Variants in AOPEP observed in about 807,000 individuals in gnomAD.
The protein encoded by AOPEP is aminopeptidase O.
Under a neutral mutation model 98.1 loss-of-function variants are expected in AOPEP, and 77 were observed. The observed-to-expected ratio is 0.78, with a 90% CI of 0.65 to 0.95. The LOEUF (loss-of-function observed/expected upper bound fraction) is 0.95. Among genes scored for constraint, AOPEP ranks in the 40% least tolerant of loss-of-function variants. AOPEP has a pLI of 0.00. For synonymous variants in AOPEP, 346 were observed against 365.3 expected, an observed-to-expected ratio of 0.95 and a Z score of 0.60; for missense variants, 1,024 against 1,024.7, an observed-to-expected ratio of 1.00 and a Z score of 0.01.
chr9:95,128,419 T>C, the AOPEP span, among the ~76,000 whole-genome samples: 6 of 152,252 alleles, frequency 3.9e-5, no homozygotes, highest in South Asian at 2.1e-4. Flanking sequence ...AAGATGAAAC[T>C]TGAAAATGGT....
the AOPEP span, chr9:95,110,798 G>A: frequency 8.9e-7 from 1 of 1,124,984 alleles, no homozygotes; most frequent in Non-Finnish European, 1.1e-6. Flanking sequence ...CAAGGGAGGT[G>A]CCAATGCCTT....
chr9:95,010,941 C>T (rs545962881), intron 13 of AOPEP, among the ~76,000 whole-genome samples: 29 of 152,330 alleles, frequency 1.9e-4, no homozygotes, highest in Non-Finnish European at 3.8e-4. Flanking sequence ...ATTTGAGATT[C>T]TTGGTCCTAT....
At chr9:94,885,091 G>A (rs2048057818) in intron 5 of AOPEP, among the ~76,000 whole-genome samples, 1 of 151,390 alleles carries the variant, frequency 6.6e-6, no homozygotes, top group Non-Finnish European at 1.5e-5. Context: ...GCTCACGCCT[G>A]TAATCCCAGC....
chr9:94,817,365 A>G (rs969714888), intron 5 of AOPEP, among the ~76,000 whole-genome samples: 1 of 152,244 alleles, frequency 6.6e-6, no homozygotes, highest in African/African-American at 2.4e-5. Context: ...ATGAAGAAGA[A>G]GAGGAAAGTT....
chr9:94,910,391 T>G (rs1273927610), intron 5 of AOPEP, among the ~76,000 whole-genome samples: 1 of 152,218 alleles, frequency 6.6e-6, no homozygotes. Flanking sequence ...CCCAGCTTCC[T>G]TGTCCTCTGG....
chr9:95,093,688 C>T, the AOPEP span, among the ~76,000 whole-genome samples: 2 of 152,216 alleles, frequency 1.3e-5, no homozygotes, highest in Non-Finnish European at 2.9e-5. Context: ...CCGGCAAGCA[C>T]GTGTGCAGGC....
Position 94,809,918 on chromosome 9 carries a change from G to T in AOPEP, c.1364+8916G>T, listed in dbSNP as rs369385479. 4.5e-5 allele frequency: 7 copies of T among 155,944 alleles called. No homozygotes were observed. The East Asian group carries it at 7.7e-4, about 17-fold the overall frequency. 9.7% of individuals were successfully genotyped at this position (155,944 alleles called of 1,614,324 possible). ...GGAGACTGACTCAGTGAATTGAGCC[G>T]CAGTCTTGGTATCTGGAAGGCTAAC... is the stretch of plus-strand genomic sequence containing the variant. On this transcript the variant is annotated intron_variant, in intron 5 of 16. Coordinates refer to ENST00000375315, the MANE Select transcript of AOPEP (RefSeq NM_001193329.3).
the AOPEP span, among the ~76,000 whole-genome samples, chr9:95,118,060 G>A: frequency 5.4e-5 from 8 of 149,004 alleles, no homozygotes; most frequent in South Asian, 1.5e-3. Flanking sequence ...CTTCTGTTGC[G>A]CAGGCTGGAG....
chr9:94,818,228 A>G (rs886074521), intron 5 of AOPEP, among the ~76,000 whole-genome samples: 1 of 151,742 alleles, frequency 6.6e-6, no homozygotes, highest in African/African-American at 2.4e-5. Flanking sequence ...GTTACATCTT[A>G]GGTCCTCAGC....
At chr9:94,921,834 T>C (rs2053655753) in intron 5 of AOPEP, among the ~76,000 whole-genome samples, 1 of 152,142 alleles carries the variant, frequency 6.6e-6, no homozygotes, top group South Asian at 2.1e-4. Flanking sequence ...GTCATTTGTA[T>C]GGTTAAACGC....
chr9:94,820,926 G>A (rs192088551), intron 5 of AOPEP, among the ~76,000 whole-genome samples: 19 of 152,268 alleles, frequency 1.2e-4, no homozygotes, highest in Admixed American at 3.9e-4. Context: ...CTAAGACCTT[G>A]TTTAATAAAC....
chr9:95,088,352 G>A (rs187607132), downstream of AOPEP, among the ~76,000 whole-genome samples: 597 of 152,218 alleles, frequency 3.9e-3, 1 homozygote, highest in Non-Finnish European at 6.8e-3. Flanking sequence ...TGGGATTACA[G>A]GCTCCCGCCA....
intron 6 of AOPEP, among the ~76,000 whole-genome samples, chr9:94,927,643 G>GCTCT (rs1177159138): frequency 7.2e-5 from 11 of 152,220 alleles, no homozygotes; most frequent in African/African-American, 2.7e-4. Context: ...CCCGTCACCT[G>GCTCT]CTCTCTGATG....
chr9:94,965,845 C>T (rs13296168), intron 9 of AOPEP, among the ~76,000 whole-genome samples: 6 of 129,656 alleles, frequency 4.6e-5, no homozygotes, highest in African/African-American at 1.8e-4. Flanking sequence ...GTCTGCAGTT[C>T]GCTGGGTGTC....
At chr9:95,123,698 G>T in the AOPEP span, 1 of 681,588 alleles carries the variant, frequency 1.5e-6, no homozygotes. Flanking sequence ...GAGCGTCTTT[G>T]ATGCCTATGT....
chr9:95,064,070 T>G (rs1319256540), intron 14 of AOPEP, among the ~76,000 whole-genome samples: 1 of 152,204 alleles, frequency 6.6e-6, no homozygotes, highest in East Asian at 1.9e-4. Flanking sequence ...CTCTTTCATG[T>G]AGAATTGCAA....
the AOPEP span, among the ~76,000 whole-genome samples, chr9:95,122,903 G>A: frequency 6.6e-6 from 1 of 152,172 alleles, no homozygotes; most frequent in African/African-American, 2.4e-5. Flanking sequence ...GTGCCTTCCA[G>A]CCGAGCCACC....
intron 12 of AOPEP, 101 bp from the exon 13 acceptor site, chr9:95,005,441 A>C: frequency 5.0e-6 from 6 of 1,192,926 alleles, no homozygotes; most frequent in Non-Finnish European, 5.0e-6. Context: ...GGTGCGGGGA[A>C]GACCAGGTCG....
chr9:95,143,557 G>A, the AOPEP span, among the ~76,000 whole-genome samples: 1 of 152,198 alleles, frequency 6.6e-6, no homozygotes, highest in Non-Finnish European at 1.5e-5. Flanking sequence ...GGTTTTAGGA[G>A]CCTGGATGAA....
Sources: gnomAD v4.1 joint callset for allele counts (sites outside exome capture counted in the v4.1 genomes callset) on GRCh38, gnomAD v4.1.1 for gene constraint, MANE v1.5 for transcripts, NCBI Gene and HGNC (gene_info 2026-07-23, HGNC 2026-07-21) for gene names.